The following SEMA3E variants were observed in gnomAD, a reference collection of about 807,000 sequenced individuals.
SEMA3E encodes the protein semaphorin 3E.
SEMA3E carries 49 observed loss-of-function variants against 93.6 expected under a neutral mutation model. The ratio of observed to expected loss-of-function variants is 0.52; its 90% confidence interval spans 0.42 to 0.66. SEMA3E has a LOEUF of 0.66. Ranked by LOEUF, SEMA3E falls within the 30% of genes least tolerant of loss-of-function variation. The probability of loss-of-function intolerance (pLI) is 0.00; values close to 1 mark genes in which losing one functional copy is unlikely to be tolerated. For missense variants in SEMA3E, 906 were observed against 964.8 expected, an observed-to-expected ratio of 0.94 and a Z score of 0.81; for synonymous variants, 363 against 330.7, an observed-to-expected ratio of 1.10 and a Z score of -1.06.
At chr7:83,493,935 A>G (rs1790436499) in intron 1 of SEMA3E, among the ~76,000 whole-genome samples, 1 of 151,938 alleles carries the variant, frequency 6.6e-6, no homozygotes, top group Admixed American at 6.6e-5. Context: ...TTAGACATAT[A>G]TCTGCAATAA....
intron 1 of SEMA3E, among the ~76,000 whole-genome samples, chr7:83,643,482 T>C (rs975773315): frequency 2.6e-5 from 4 of 151,930 alleles, no homozygotes; most frequent in Admixed American, 2.0e-4. Context: ...TGAGCTTCCC[T>C]CACCCTATTA....
chr7:83,416,963 C>T (rs1788554712), intron 5 of SEMA3E, among the ~76,000 whole-genome samples: 1 of 146,146 alleles, frequency 6.8e-6, no homozygotes. Flanking sequence ...TAAAGTCTTC[C>T]TTTTTTTAAT....
chr7:83,475,502 A>ATAAGATTGGGAGTTTCC (rs1789991089), intron 2 of SEMA3E, among the ~76,000 whole-genome samples: 2 of 152,080 alleles, frequency 1.3e-5, no homozygotes, highest in Non-Finnish European at 2.9e-5. Context: ...CAGCCCCCTT[A>ATAAGATTGGGAGTTTCC]TAAGATTGGG....
intron 1 of SEMA3E, among the ~76,000 whole-genome samples, chr7:83,557,208 A>G (rs1359588787): frequency 5.3e-5 from 8 of 152,040 alleles, no homozygotes; most frequent in Non-Finnish European, 7.4e-5. Context: ...AATTTATGTA[A>G]CAAGTATGTT....
intron 1 of SEMA3E, among the ~76,000 whole-genome samples, chr7:83,546,726 A>C (rs1791658632): frequency 6.6e-6 from 1 of 152,042 alleles, no homozygotes; most frequent in Admixed American, 6.6e-5. Flanking sequence ...TTGTATCACT[A>C]TGTCTCATAT....
chr7:83,615,492 A>G (rs1195646899), intron 1 of SEMA3E, among the ~76,000 whole-genome samples: 2 of 152,130 alleles, frequency 1.3e-5, no homozygotes, highest in African/African-American at 4.8e-5. Context: ...AATGTGATCA[A>G]CCATAGGTGA....
intron 14 of SEMA3E, among the ~76,000 whole-genome samples, chr7:83,388,210 G>T (rs1787923714): frequency 6.7e-6 from 1 of 148,898 alleles, no homozygotes; most frequent in African/African-American, 2.4e-5. Flanking sequence ...TCAGGAGACT[G>T]AGACAGGAGA....
intron 1 of SEMA3E, among the ~76,000 whole-genome samples, chr7:83,625,571 G>C (rs538972295): frequency 6.6e-6 from 1 of 152,114 alleles, no homozygotes; most frequent in Non-Finnish European, 1.5e-5. Context: ...CTGAGACTTT[G>C]CTGACGTTGC....
At chr7:83,418,158 A>G (rs1027306100) in intron 5 of SEMA3E, among the ~76,000 whole-genome samples, 1 of 152,170 alleles carries the variant, frequency 6.6e-6, no homozygotes, top group Admixed American at 6.6e-5. Flanking sequence ...TTAAACGACA[A>G]TTTGTTTTCT....
At chr7:83,571,263 CA>C (rs1792280681) in intron 1 of SEMA3E, among the ~76,000 whole-genome samples, 1 of 151,954 alleles carries the variant, frequency 6.6e-6, no homozygotes, top group Non-Finnish European at 1.5e-5. Context: ...GCCAGAGAGA[CA>C]ATGAAAAAAG....
intron 4 of SEMA3E, among the ~76,000 whole-genome samples, chr7:83,434,532 A>G (rs1788959636): frequency 6.6e-6 from 1 of 152,202 alleles, no homozygotes; most frequent in South Asian, 2.1e-4. Flanking sequence ...ATTTTTAATA[A>G]TAACAAACAT....
chr7:83,620,352 T>G (rs1176773023), intron 1 of SEMA3E, among the ~76,000 whole-genome samples: 1 of 152,062 alleles, frequency 6.6e-6, no homozygotes, highest in Non-Finnish European at 1.5e-5. Flanking sequence ...AAAGTAAGCA[T>G]GTTTAACCTA....
chr7:83,454,125 G>A (rs1159493758), intron 4 of SEMA3E, among the ~76,000 whole-genome samples: 1 of 150,830 alleles, frequency 6.6e-6, no homozygotes, highest in Non-Finnish European at 1.5e-5. Context: ...TGGCGTGGTG[G>A]CGGGCTCTTG....
rs2116887396 is a variant in SEMA3E at position 83,364,601 on chromosome 7, G to C, written c.*2985C>G. On this transcript the variant is annotated 3_prime_UTR_variant, in exon 17 of 17. Coordinates refer to ENST00000643230, the MANE Select transcript of SEMA3E (RefSeq NM_012431.3). The stretch of plus-strand genomic sequence containing the variant: ...GGAATCACGAAGTAAAATCTTTTTT[G>C]TTAACAAATCTGGATCTCTTGCCCA... 6.6e-6 allele frequency: 1 copy of C among 152,216 alleles called. No individual in the cohort carries two copies. Among genetic ancestry groups the C allele is most frequent in the Admixed American group, 6.5e-5 (1 of 15,296 alleles). The allele number at this position is 152,216 out of a possible 1,614,324, so 9.4% of individuals were successfully genotyped here.
At chr7:83,457,772 A>G (rs1789518867) in intron 4 of SEMA3E, among the ~76,000 whole-genome samples, 1 of 152,144 alleles carries the variant, frequency 6.6e-6, no homozygotes, top group Non-Finnish European at 1.5e-5. Flanking sequence ...TCTTTACAAT[A>G]ACACAAAATG....
chr7:83,603,859 T>A (rs2115992104), intron 1 of SEMA3E, among the ~76,000 whole-genome samples: 1 of 152,276 alleles, frequency 6.6e-6, no homozygotes, highest in African/African-American at 2.4e-5. Flanking sequence ...TATACAAGCA[T>A]TTGCATACTT....
chr7:83,561,123 T>C (rs1295591291), intron 1 of SEMA3E, among the ~76,000 whole-genome samples: 1 of 152,056 alleles, frequency 6.6e-6, no homozygotes, highest in Non-Finnish European at 1.5e-5. Context: ...CCAACAGGTT[T>C]TCAGGAATTT....
Position 83,368,000 on chromosome 7 carries a change from A to C in SEMA3E, c.1914T>G (p.Gly638=), listed in dbSNP as rs1794698394. 1 of 1,613,972 alleles carries C rather than the reference A, an allele frequency of 6.2e-7. No individual in the cohort carries two copies. Among genetic ancestry groups the C allele is most frequent in the African/African-American group, 1.3e-5 (1 of 74,900 alleles). ...TDDRVVKMDL[G]LLFLRLHKSD... ...ATTTGTGTAACCTTAGGAAGAGTAA[A>C]CCAAGGTCCATCTTAACCACTCTGT... Residue 638 remains glycine, a synonymous_variant, in exon 17 of 17, where the codon GGT becomes GGG. Coordinates refer to ENST00000643230, the MANE Select transcript of SEMA3E (RefSeq NM_012431.3).
Position 83,515,165 on chromosome 7 carries a change from C to T in SEMA3E, c.116-24891G>A, listed in dbSNP as rs138297674. ...CTCACACCCAGCTACCCTTGCCCAG[C>T]GCCCCTCCTCTCCTCCTTTTCCTTC... On this transcript the variant is annotated intron_variant, in intron 1 of 16. Transcript: ENST00000643230. 3.4e-4 allele frequency among the ~76,000 whole-genome samples: 51 copies of T among 152,180 alleles called. No homozygotes were observed. In the Middle Eastern group the frequency reaches 0.01, roughly 30 times the overall value.
Sources: allele counts gnomAD v4.1 joint callset (sites outside exome capture counted in the v4.1 genomes callset), GRCh38; gene constraint gnomAD v4.1.1; transcripts MANE v1.5; gene names NCBI Gene and HGNC (gene_info 2026-07-23, HGNC 2026-07-21).